RFFL: variants seen among roughly 807,000 people sequenced by gnomAD.
RFFL encodes ring finger and FYVE like domain containing E3 ubiquitin protein ligase, also known as E3 ubiquitin-protein ligase rififylin.
A neutral mutation model predicts 40.4 loss-of-function variants in RFFL; 16 were observed. The observed-to-expected ratio is 0.40, with a 90% CI of 0.27 to 0.60. RFFL has a LOEUF of 0.60. Among genes scored for constraint, RFFL ranks in the 20% least tolerant of loss-of-function variants. The pLI, the probability that RFFL is intolerant of heterozygous loss-of-function variation, is 0.47. For missense variants in RFFL, 367 were observed against 451.7 expected, an observed-to-expected ratio of 0.81 and a Z score of 1.70; for synonymous variants, 154 against 167.9, an observed-to-expected ratio of 0.92 and a Z score of 0.64.
At chr17:35,057,856 ATCAACCACTTATTCAT>A (rs2091269562) in intron 1 of RFFL, among the ~76,000 whole-genome samples, 1 of 152,000 alleles carries the variant, frequency 6.6e-6, no homozygotes, top group Non-Finnish European at 1.5e-5. Context: ...CATGCATTCA[ATCAACCACTTATTCAT>A]TCAACAAGTA....
intron 1 of RFFL, among the ~76,000 whole-genome samples, chr17:35,053,908 A>G (rs190847116): frequency 1.3e-5 from 2 of 152,330 alleles, no homozygotes; most frequent in African/African-American, 4.8e-5. Context: ...ATAAATTGGC[A>G]TTCCATTCTG....
At chr17:35,023,566 C>T (rs1330337977) in intron 2 of RFFL, among the ~76,000 whole-genome samples, 1 of 152,198 alleles carries the variant, frequency 6.6e-6, no homozygotes, top group Non-Finnish European at 1.5e-5. Context: ...ATTTGGGGTT[C>T]ATTCACATCT....
At chr17:35,028,486 G>C (rs889815517) in intron 1 of RFFL, among the ~76,000 whole-genome samples, 9 of 152,070 alleles carry the variant, frequency 5.9e-5, no homozygotes, top group Non-Finnish European at 1.3e-4. Context: ...CCTAACAATT[G>C]TAAGAGGGCC....
chr17:35,035,389 A>G (rs1367497631), intron 1 of RFFL, among the ~76,000 whole-genome samples: 1 of 151,058 alleles, frequency 6.6e-6, no homozygotes, highest in Non-Finnish European at 1.5e-5. Flanking sequence ...AGCCTGGGCA[A>G]CAGAGCGAGA....
intron 1 of RFFL, among the ~76,000 whole-genome samples, chr17:35,085,981 T>C (rs558951007): frequency 6.6e-6 from 1 of 152,176 alleles, no homozygotes; most frequent in Non-Finnish European, 1.5e-5. Context: ...CTGTTAAATC[T>C]TGGAAACAGG....
At chr17:35,048,058 G>C (rs535486994) in intron 1 of RFFL, among the ~76,000 whole-genome samples, 84 of 152,080 alleles carry the variant, frequency 5.5e-4, no homozygotes, top group African/African-American at 2.0e-3. Flanking sequence ...AGCCCATTAA[G>C]GTTCTTTAAA....
At position 35,026,511 on chromosome 17, in the gene RFFL, G is replaced by A; in HGVS notation, c.43C>T (p.Pro15Ser). The A allele has an allele frequency of 6.2e-7, 1 of 1,612,056 alleles. No homozygotes were observed. The stretch of plus-strand genomic sequence containing the variant: ...CCCTGGGGTGGTGGGACCTCCTCAG[G>A]CTGTCCATCCAGGCAGAACCAGTTG... ...CCNWFCLDGQ[P>S]EEVPPPQGAR... Residue 15 changes from proline to serine, a missense_variant, in exon 2 of 7, where the codon CCT (proline) becomes TCT (serine). Coordinates refer to ENST00000394597, the MANE Select transcript of RFFL (RefSeq NM_001017368.2).
At chr17:35,070,734 G>C (rs1049280917) in intron 1 of RFFL, among the ~76,000 whole-genome samples, 3 of 152,074 alleles carry the variant, frequency 2.0e-5, no homozygotes, top group Non-Finnish European at 4.4e-5. Context: ...CCATGGCAGG[G>C]GTGCTAAAAA....
At chr17:35,017,664 T>C in intron 3 of RFFL, 58 bp from the exon 4 acceptor site, 2 of 1,166,748 alleles carry the variant, frequency 1.7e-6, no homozygotes, top group Non-Finnish European at 2.5e-6. Context: ...CTGCATAGCA[T>C]GGGCCTCTTT....
intron 1 of RFFL, among the ~76,000 whole-genome samples, chr17:35,034,489 G>T (rs1187896914): frequency 3.3e-5 from 5 of 151,114 alleles, no homozygotes; most frequent in African/African-American, 4.8e-5. Context: ...CAATCAGTAG[G>T]AAAAACTGGA....
chr17:35,031,787 C>T (rs1360098689), intron 1 of RFFL, among the ~76,000 whole-genome samples: 1 of 130,850 alleles, frequency 7.6e-6, no homozygotes, highest in Admixed American at 7.5e-5. Context: ...TAATATGCAC[C>T]ATGGCATTAA....
chr17:35,016,636 C>T, intron 4 of RFFL, 56 bp from the exon 5 acceptor site: 1 of 1,418,822 alleles, frequency 7.0e-7, no homozygotes, highest in Non-Finnish European at 9.9e-7. Context: ...CAAGCTCTTT[C>T]TCCAAGGACC....
chr17:35,031,788 A>G (rs1055958369), intron 1 of RFFL, among the ~76,000 whole-genome samples: 3 of 151,852 alleles, frequency 2.0e-5, no homozygotes, highest in African/African-American at 7.3e-5. Context: ...AATATGCACC[A>G]TGGCATTAAA....
In RFFL at chr17:35,075,337, A is replaced by G. The variant is rs73284994; in HGVS notation, c.-9+13768T>C. Among the ~76,000 whole-genome samples the G allele has an allele frequency of 3.3e-3, 501 of 152,374 alleles. 2 individuals are homozygous for G. Among genetic ancestry groups the G allele is most frequent in the African/African-American group, 0.012 (479 of 41,592 alleles). ...GACTGGCATAACCTAGACACATGCA[A>G]TACCTTTTTCCCATTTCTAGTTTTC... is the stretch of plus-strand genomic sequence containing the variant. On this transcript the variant is annotated intron_variant, in intron 1 of 6. Transcript: ENST00000315249.
At chr17:35,050,742 G>A (rs2091226877) in intron 1 of RFFL, among the ~76,000 whole-genome samples, 1 of 152,188 alleles carries the variant, frequency 6.6e-6, no homozygotes, top group Non-Finnish European at 1.5e-5. Context: ...GAAGGCCGAG[G>A]CGGGCAGATC....
chr17:35,021,283 C>A (rs1327386626), intron 3 of RFFL, 88 bp downstream of exon 3: 1 of 1,318,580 alleles, frequency 7.6e-7, no homozygotes. Context: ...AGCCTTATAC[C>A]CCATTCTCAC....
chr17:35,024,225 T>C (rs1459298947), intron 2 of RFFL, among the ~76,000 whole-genome samples: 1 of 152,164 alleles, frequency 6.6e-6, no homozygotes, highest in Non-Finnish European at 1.5e-5. Context: ...CCCTTGCTCC[T>C]ACTCCCTCCC....
chr17:35,038,552 A>G (rs1013021593), intron 1 of RFFL, among the ~76,000 whole-genome samples: 8 of 152,274 alleles, frequency 5.3e-5, no homozygotes, highest in African/African-American at 1.9e-4. Context: ...GTGTCCATCA[A>G]CGGTAGAATT....
chr17:35,049,427 C>T (rs967760508), intron 1 of RFFL, among the ~76,000 whole-genome samples: 16 of 152,196 alleles, frequency 1.1e-4, no homozygotes, highest in African/African-American at 3.1e-4. Context: ...CCTGAGATGA[C>T]TCGAGCAGAT....
Sources: gnomAD v4.1 joint callset for allele counts (sites outside exome capture counted in the v4.1 genomes callset) on GRCh38, gnomAD v4.1.1 for gene constraint, MANE v1.5 for transcripts, NCBI Gene and HGNC (gene_info 2026-07-23, HGNC 2026-07-21) for gene names.